ALDH18A1: variants seen among roughly 807,000 people sequenced by gnomAD.
ALDH18A1 encodes the protein delta-1-pyrroline-5-carboxylate synthase.
Under a neutral mutation model 88.8 loss-of-function variants are expected in ALDH18A1, and 44 were observed. That is an observed-to-expected ratio of 0.50 (90% CI 0.39 to 0.64). The LOEUF (loss-of-function observed/expected upper bound fraction) is 0.64. Ranked by LOEUF, ALDH18A1 falls within the 30% of genes least tolerant of loss-of-function variation. The probability of loss-of-function intolerance (pLI) is 0.00; values close to 1 mark genes in which losing one functional copy is unlikely to be tolerated. For synonymous variants in ALDH18A1, 331 were observed against 372.1 expected (o/e 0.89, Z 1.27); for missense variants, 782 against 1,009.5 (o/e 0.77, Z 3.05).
chr10:95,608,608 C>T (rs575496105), intron 17 of ALDH18A1, among the ~76,000 whole-genome samples: 40 of 152,298 alleles, frequency 2.6e-4, no homozygotes, highest in African/African-American at 7.2e-4. Context: ...CTCAAGGGAT[C>T]CTCTTGCCTC....
At chr10:95,647,715 G>T (rs1295170781) in intron 2 of ALDH18A1, among the ~76,000 whole-genome samples, 1 of 152,214 alleles carries the variant, frequency 6.6e-6, no homozygotes, top group Non-Finnish European at 1.5e-5. Context: ...GAACAGACAG[G>T]CCTTGCTGGG....
chr10:95,631,742 C>CAAAAAAAAAAA (rs71034341), intron 7 of ALDH18A1, among the ~76,000 whole-genome samples: 1 of 76,480 alleles, frequency 1.3e-5, no homozygotes, highest in East Asian at 4.0e-4. Context: ...GGCTCTGCCT[C>CAAAAAAAAAAA]AAAAAAAAAA....
intron 10 of ALDH18A1, among the ~76,000 whole-genome samples, chr10:95,625,815 G>A (rs936269849): frequency 7.2e-5 from 11 of 151,878 alleles, no homozygotes; most frequent in Non-Finnish European, 1.5e-4. Flanking sequence ...TGTATAATCT[G>A]TAGGAGATTA....
intron 12 of ALDH18A1, among the ~76,000 whole-genome samples, chr10:95,618,835 G>C (rs1225562972): frequency 2.0e-5 from 3 of 152,150 alleles, no homozygotes; most frequent in African/African-American, 7.2e-5. Flanking sequence ...ACTGTGGTAT[G>C]GTAGGTTGAT....
chr10:95,635,816 A>C (rs1223874894), intron 5 of ALDH18A1, among the ~76,000 whole-genome samples: 1 of 152,122 alleles, frequency 6.6e-6, no homozygotes, highest in African/African-American at 2.4e-5. Flanking sequence ...AAACTCTCAA[A>C]AGGTTTCATC....
rs770813627 is a variant in ALDH18A1 at position 95,626,729 on chromosome 10, T to A, written c.1126A>T (p.Met376Leu). The change falls in exon 10 of 18, where the codon ATG becomes TTG. Residue 376 changes from methionine (M) to leucine (L), a missense_variant. Met to Leu is a conservative substitution (Grantham distance 15). Transcript: ENST00000371224. ...TGCTCAGGTTCCAAGGTGGCCAACA[T>A]CCTTCCTCCAGATCGCGCCATTTCT... ...QGEMARSGGR[M>L]LATLEPEQRA... The A allele has an allele frequency of 1.3e-5, 21 of 1,613,834 alleles. No homozygotes were observed. Among genetic ancestry groups the A allele is most frequent in the Non-Finnish European group, 1.7e-5 (20 of 1,179,906 alleles).
At chr10:95,655,744 C>G (rs1194250080) in intron 1 of ALDH18A1, among the ~76,000 whole-genome samples, 1 of 151,870 alleles carries the variant, frequency 6.6e-6, no homozygotes, top group African/African-American at 2.4e-5. Flanking sequence ...GTGACTGTGT[C>G]TCGACTCTGT....
At chr10:95,632,429 G>A (rs543536589) in intron 7 of ALDH18A1, among the ~76,000 whole-genome samples, 9 of 152,268 alleles carry the variant, frequency 5.9e-5, no homozygotes, top group African/African-American at 2.2e-4. Flanking sequence ...GCAGTGGCAC[G>A]ATAACAGCTC....
chr10:95,608,869 G>A (rs2097827746), intron 17 of ALDH18A1, among the ~76,000 whole-genome samples: 1 of 152,074 alleles, frequency 6.6e-6, no homozygotes, highest in African/African-American at 2.4e-5. Context: ...TATTATTGGA[G>A]GTTTTTTGTC....
intron 15 of ALDH18A1, among the ~76,000 whole-genome samples, chr10:95,612,607 C>T (rs923230527): frequency 6.6e-6 from 1 of 152,166 alleles, no homozygotes; most frequent in African/African-American, 2.4e-5. Flanking sequence ...TTCTGCCATC[C>T]AAAAGTGCTG....
At chr10:95,611,780 C>T (rs574424133) in intron 15 of ALDH18A1, among the ~76,000 whole-genome samples, 1 of 152,082 alleles carries the variant, frequency 6.6e-6, no homozygotes, top group Non-Finnish European at 1.5e-5. Flanking sequence ...AAAAACCAAC[C>T]TGGCCAACAT....
intron 7 of ALDH18A1, 31 bp from the exon 8 acceptor site, chr10:95,628,523 C>T: frequency 1.9e-6 from 3 of 1,608,716 alleles, no homozygotes; most frequent in Non-Finnish European, 2.5e-6. Flanking sequence ...AGTAATACTG[C>T]TTTGATGGAA....
chr10:95,627,156 C>T (rs1566018237), intron 9 of ALDH18A1, among the ~76,000 whole-genome samples: 1 of 151,496 alleles, frequency 6.6e-6, no homozygotes, highest in East Asian at 1.9e-4. Flanking sequence ...TGCATCTTTG[C>T]ATCTCTAGTG....
chr10:95,646,894 C>G (rs940073448), intron 2 of ALDH18A1, among the ~76,000 whole-genome samples: 1 of 152,060 alleles, frequency 6.6e-6, no homozygotes, highest in Non-Finnish European at 1.5e-5. Flanking sequence ...AGAGGAGAAC[C>G]CTTTACTTCT....
rs71034341 is a variant in ALDH18A1 at position 95,631,742 on chromosome 10, CAAAAAAAAA to C, written c.808+1208_808+1216del. Among the ~76,000 whole-genome samples, 3 of 76,476 alleles carry C rather than the reference CAAAAAAAAA, an allele frequency of 3.9e-5. No homozygotes were observed. In the East Asian group the frequency reaches 1.2e-3, roughly 30 times the overall value. 50.2% of individuals were successfully genotyped at this position (76,476 alleles called of 152,430 possible). ...TGGGTGACAGGATAAGGCTCTGCCT[CAAAAAAAAA>C]AAAAAAAAAAAAAACAACTGAATAA... On this transcript the variant is annotated intron_variant, in intron 7 of 17. Coordinates refer to ENST00000371224, the MANE Select transcript of ALDH18A1 (RefSeq NM_002860.4).
At chr10:95,634,144 C>A (rs1222571353) in intron 5 of ALDH18A1, among the ~76,000 whole-genome samples, 2 of 152,174 alleles carry the variant, frequency 1.3e-5, no homozygotes, top group Admixed American at 1.3e-4. Flanking sequence ...ATGTTCAAGA[C>A]TTCTTGCAAA....
rs374047257 is a variant in ALDH18A1 at position 95,643,147 on chromosome 10, T to C, written c.148A>G (p.Thr50Ala). The change falls in exon 3 of 18, where the codon ACT (threonine) becomes GCT (alanine). Residue 50 changes from threonine (T) to alanine (A), a missense_variant. By Grantham distance (58) the Thr-to-Ala change is moderately conservative. Transcript: ENST00000371224. Reference protein sequence around the residue: ...VRSWSNIPFITVPLSRTHGKS... With the variant: ...VRSWSNIPFIAVPLSRTHGKS... ...CCATGTGTACGACTGAGGGGTACAG[T>C]GATAAACGGGATGTTGCTCCAAGAA... The C allele has an allele frequency of 1.7e-4, 275 of 1,614,086 alleles. No homozygotes were observed. The highest frequency in any genetic ancestry group is 2.7e-4 in the Admixed American group (16 of 60,008).
intron 11 of ALDH18A1, among the ~76,000 whole-genome samples, chr10:95,622,697 C>A (rs1179635933): frequency 6.6e-6 from 1 of 152,048 alleles, no homozygotes; most frequent in Non-Finnish European, 1.5e-5. Context: ...GCCACCACAC[C>A]CGGCTAATTT....
intron 2 of ALDH18A1, among the ~76,000 whole-genome samples, chr10:95,648,557 C>T (rs2097904864): frequency 6.6e-6 from 1 of 152,148 alleles, no homozygotes. Flanking sequence ...ATCTTCCAAA[C>T]TTCTTAAATT....
Sources: gnomAD v4.1 joint callset for allele counts (sites outside exome capture counted in the v4.1 genomes callset) on GRCh38, gnomAD v4.1.1 for gene constraint, MANE v1.5 for transcripts, NCBI Gene and HGNC (gene_info 2026-07-23, HGNC 2026-07-21) for gene names.